Variants in PTGIS observed in about 807,000 individuals in gnomAD.
PTGIS encodes the protein prostacyclin synthase.
Under a neutral mutation model 50.3 loss-of-function variants are expected in PTGIS, and 45 were observed. The observed-to-expected ratio is 0.90, with a 90% CI of 0.70 to 1.15. The LOEUF (loss-of-function observed/expected upper bound fraction) is 1.15, where lower values mean the gene tolerates loss of function less well. PTGIS is among the 50% of genes most tolerant of loss of function. The probability of loss-of-function intolerance (pLI) is 0.00; values close to 1 mark genes in which losing one functional copy is unlikely to be tolerated. For synonymous variants in PTGIS, 260 were observed against 267.7 expected, an observed-to-expected ratio of 0.97 and a Z score of 0.28; for missense variants, 668 against 661.3, an observed-to-expected ratio of 1.01 and a Z score of -0.11.
rs756073336 is a variant in PTGIS at position 49,511,008 on chromosome 20, T to G, written c.1358+20A>C. The G allele has an allele frequency of 6.2e-7, 1 of 1,611,144 alleles. No homozygotes were observed. The highest frequency in any genetic ancestry group is 2.2e-5 in the East Asian group (1 of 44,880). ...AGGGGATCAGGAGCCACCCTGGCCCTGCCCTGGCCCCCCACTCACTGTTTG... is the reference window on the plus strand; with the variant it reads ...AGGGGATCAGGAGCCACCCTGGCCCGGCCCTGGCCCCCCACTCACTGTTTG... On this transcript the variant is annotated intron_variant, in intron 9 of 9. Coordinates refer to ENST00000244043, the MANE Select transcript of PTGIS (RefSeq NM_000961.4).
Position 49,510,491 on chromosome 20 carries a change from A to G in PTGIS, c.1358+537T>C, listed in dbSNP as rs566096739. Among the ~76,000 whole-genome samples, 430 of 152,334 alleles carry G rather than the reference A, an allele frequency of 2.8e-3. 3 individuals are homozygous for G. Among genetic ancestry groups the G allele is most frequent in the African/African-American group, 9.6e-3 (399 of 41,572 alleles). ...ATTTTACAGTTGAGGAAACAGGCTC[A>G]GAAGGTAACCCAGCTTATGATTGCA... is the stretch of plus-strand genomic sequence containing the variant. On this transcript the variant is annotated intron_variant, in intron 9 of 9. Coordinates refer to ENST00000244043, the MANE Select transcript of PTGIS (RefSeq NM_000961.4).
intron 5 of PTGIS, among the ~76,000 whole-genome samples, chr20:49,529,010 A>G (rs1981865470): frequency 6.6e-6 from 1 of 152,186 alleles, no homozygotes; most frequent in Non-Finnish European, 1.5e-5. Context: ...TGACAAAGGA[A>G]AATTCTTATT....
In PTGIS at chr20:49,511,849, T is replaced by C. The variant is rs143930346; in HGVS notation, c.1207-670A>G. 4.4e-3 allele frequency among the ~76,000 whole-genome samples: 668 copies of C among 151,974 alleles called. 6 individuals are homozygous for C. Among genetic ancestry groups the C allele is most frequent in the African/African-American group, 0.015 (629 of 41,460 alleles). On this transcript the variant is annotated intron_variant, in intron 8 of 9. Transcript: ENST00000244043. ...AAAGATGGATGAATGGAGGGATGGA[T>C]AGATGGATGGATGGGTAGATGGGGT... is the stretch of plus-strand genomic sequence containing the variant.
At position 49,524,063 on chromosome 20, in the gene PTGIS, TG is replaced by T; in HGVS notation, c.849del (p.Thr284HisfsTer52). The T allele has an allele frequency of 6.2e-7, 1 of 1,614,210 alleles. No individual in the cohort carries two copies. On this transcript the variant is annotated frameshift_variant, in exon 6 of 10. Coordinates refer to ENST00000244043, the MANE Select transcript of PTGIS (RefSeq NM_000961.4). LOFTEE classifies it high-confidence loss of function. ...QARALVLQLW[A>X]TQGNMGPAAF... is the part of the protein sequence containing the mutation. ...ACTTGCACATTCACACCCACCTGTGTGGCCCACAGCTGCAGCACCAGGGCCC... is the reference window on the plus strand; with the variant it reads ...ACTTGCACATTCACACCCACCTGTGTGCCCACAGCTGCAGCACCAGGGCCC...
intron 6 of PTGIS, among the ~76,000 whole-genome samples, chr20:49,514,689 AG>A (rs141885029): frequency 0.045 from 6,859 of 152,320 alleles, 540 homozygotes; most frequent in African/African-American, 0.16. Context: ...TGTCAGTAAT[AG>A]GAACAGGGTA....
chr20:49,532,897 C>A (rs1017670290), intron 5 of PTGIS, among the ~76,000 whole-genome samples: 3 of 152,148 alleles, frequency 2.0e-5, no homozygotes, highest in Admixed American at 1.3e-4. Flanking sequence ...CACTTGGTAT[C>A]GGTAGAAGTT....
At chr20:49,517,667 C>T (rs1388642663) in intron 6 of PTGIS, among the ~76,000 whole-genome samples, 1 of 152,188 alleles carries the variant, frequency 6.6e-6, no homozygotes, top group African/African-American at 2.4e-5. Flanking sequence ...CAGTGGCTGA[C>T]CTCTGGGAGG....
At chr20:49,545,439 A>G (rs1054244323) in intron 3 of PTGIS, among the ~76,000 whole-genome samples, 14 of 151,818 alleles carry the variant, frequency 9.2e-5, no homozygotes, top group Non-Finnish European at 1.5e-4. Flanking sequence ...GAAAAGAAAA[A>G]AAAAAAAGAC....
chr20:49,517,342 C>G (rs1371007947), intron 6 of PTGIS, among the ~76,000 whole-genome samples: 3 of 152,212 alleles, frequency 2.0e-5, no homozygotes, highest in Non-Finnish European at 2.9e-5. Context: ...AATTACCAAG[C>G]AGGAGTGGAA....
chr20:49,515,143 C>A (rs1981444313), intron 6 of PTGIS, among the ~76,000 whole-genome samples: 1 of 152,198 alleles, frequency 6.6e-6, no homozygotes, highest in Non-Finnish European at 1.5e-5. Flanking sequence ...CAAATATAAT[C>A]ATTCTTGATG....
At chr20:49,539,769 TG>T (rs769800957) in intron 4 of PTGIS, 48 bp from the exon 5 acceptor site, 2 of 1,586,684 alleles carry the variant, frequency 1.3e-6, no homozygotes, top group African/African-American at 1.3e-5. Context: ...GACACTCATG[TG>T]TGGCCACAGC....
At chr20:49,509,892 T>C (rs1981265454) in intron 9 of PTGIS, among the ~76,000 whole-genome samples, 1 of 123,248 alleles carries the variant, frequency 8.1e-6, no homozygotes. Context: ...TTTTTTTTTT[T>C]TTTTTTTTTT....
At chr20:49,556,909 A>G (rs1982633967) in intron 1 of PTGIS, among the ~76,000 whole-genome samples, 1 of 151,950 alleles carries the variant, frequency 6.6e-6, no homozygotes, top group Non-Finnish European at 1.5e-5. Context: ...ATGTGAAATC[A>G]CTAAAAGTTA....
chr20:49,536,583 C>T (rs1351128446), intron 5 of PTGIS, among the ~76,000 whole-genome samples: 5 of 149,566 alleles, frequency 3.3e-5, no homozygotes, highest in African/African-American at 9.9e-5. Flanking sequence ...AGGGTTCTAG[C>T]AATTCTCCTA....
At chr20:49,538,592 C>T (rs1006449165) in intron 5 of PTGIS, among the ~76,000 whole-genome samples, 4 of 152,088 alleles carry the variant, frequency 2.6e-5, no homozygotes, top group African/African-American at 9.7e-5. Context: ...GAAACCAGTC[C>T]AGTGGCTACC....
intron 3 of PTGIS, among the ~76,000 whole-genome samples, chr20:49,547,365 T>C (rs539275941): frequency 6.6e-6 from 1 of 152,234 alleles, no homozygotes; most frequent in Non-Finnish European, 1.5e-5. Flanking sequence ...TGTAAGTTAC[T>C]TAGCCTCCAG....
In PTGIS at chr20:49,504,143, G is replaced by A. The variant is rs1024843686; in HGVS notation, c.*3777C>T. 6.6e-5 allele frequency: 10 copies of A among 152,302 alleles called. No homozygotes were observed. The highest frequency in any genetic ancestry group is 2.6e-4 in the Admixed American group (4 of 15,302). 9.4% of individuals were successfully genotyped at this position (152,302 alleles called of 1,614,324 possible). A position where few individuals can be genotyped will look rare whatever the true frequency, so the allele number is the denominator to read the frequency against. ...CTGGTGGGAGGAGATGGCCCTGGTC[G>A]CCCATGGGATGAGAAACTTACTCCT... On this transcript the variant is annotated 3_prime_UTR_variant, in exon 10 of 10. Coordinates refer to ENST00000244043, the MANE Select transcript of PTGIS (RefSeq NM_000961.4).
intron 1 of PTGIS, among the ~76,000 whole-genome samples, chr20:49,567,757 G>T (rs1481465105): frequency 6.6e-6 from 1 of 152,042 alleles, no homozygotes; most frequent in Non-Finnish European, 1.5e-5. Flanking sequence ...CCCTGCCGTC[G>T]CGCTAAGGGC....
At chr20:49,517,850 C>T (rs932134578) in intron 6 of PTGIS, among the ~76,000 whole-genome samples, 1 of 152,242 alleles carries the variant, frequency 6.6e-6, no homozygotes, top group African/African-American at 2.4e-5. Flanking sequence ...ACCACCTCCT[C>T]TTAAGTCTAA....
Sources: allele counts gnomAD v4.1 joint callset (sites outside exome capture counted in the v4.1 genomes callset), GRCh38; gene constraint gnomAD v4.1.1; transcripts MANE v1.5; gene names NCBI Gene and HGNC (gene_info 2026-07-23, HGNC 2026-07-21).